JAK1: variants seen among roughly 807,000 people sequenced by gnomAD.
JAK1 encodes tyrosine-protein kinase JAK1.
A neutral mutation model predicts 136.6 loss-of-function variants in JAK1; 16 were observed. That is an observed-to-expected ratio of 0.12 (90% confidence interval 0.08 to 0.18). JAK1 has a LOEUF of 0.18. JAK1 is among the 10% of genes least tolerant of loss of function. The probability of loss-of-function intolerance (pLI) is 1.00; values close to 1 mark genes in which losing one functional copy is unlikely to be tolerated. For missense variants in JAK1, 859 were observed against 1,450.1 expected, an observed-to-expected ratio of 0.59 and a Z score of 6.62; for synonymous variants, 492 against 519.5, an observed-to-expected ratio of 0.95 and a Z score of 0.72.
chr1:64,928,955 C>T (rs1187925815), intron 1 of JAK1, among the ~76,000 whole-genome samples: 1 of 152,142 alleles, frequency 6.6e-6, no homozygotes, highest in East Asian at 1.9e-4. Flanking sequence ...TTCCTGTAGA[C>T]CTCAGAATAA....
intron 1 of JAK1, among the ~76,000 whole-genome samples, chr1:64,957,215 G>A (rs1199633300): frequency 6.6e-6 from 1 of 152,104 alleles, no homozygotes; most frequent in Non-Finnish European, 1.5e-5. Flanking sequence ...TGCTCTAGGG[G>A]CAACAGTGAG....
intron 2 of JAK1, chr1:64,986,051 G>C: frequency 7.8e-7 from 1 of 1,286,986 alleles, no homozygotes; most frequent in Non-Finnish European, 1.1e-6. Flanking sequence ...TAGCAATTGT[G>C]ATGGCGAAGA....
At chr1:64,910,149 A>C (rs1645258190) in intron 1 of JAK1, among the ~76,000 whole-genome samples, 1 of 152,248 alleles carries the variant, frequency 6.6e-6, no homozygotes, top group Non-Finnish European at 1.5e-5. Context: ...AACTTAACCC[A>C]CAAGATTCCA....
chr1:64,866,814 C>A, intron 7 of JAK1, 52 bp downstream of exon 7: 1 of 1,348,666 alleles, frequency 7.4e-7, no homozygotes, highest in Non-Finnish European at 1.0e-6. Flanking sequence ...AAACAGCATA[C>A]GCTATGTGAC....
intron 1 of JAK1, among the ~76,000 whole-genome samples, chr1:64,930,655 C>G (rs555877816): frequency 1.1e-5 from 1 of 90,186 alleles, no homozygotes; most frequent in East Asian, 2.0e-4. Flanking sequence ...TGGGTATATA[C>G]CCAAATGATT....
At chr1:64,838,424 C>T in intron 21 of JAK1, 41 bp downstream of exon 21, 1 of 1,603,866 alleles carries the variant, frequency 6.2e-7, no homozygotes, top group Non-Finnish European at 8.5e-7. Context: ...GGACAGAGTG[C>T]CTGATGTCTT....
chr1:64,935,109 C>T (rs192031589), intron 1 of JAK1, among the ~76,000 whole-genome samples: 10 of 152,244 alleles, frequency 6.6e-5, no homozygotes, highest in South Asian at 2.1e-4. Context: ...GGAACAAGAA[C>T]GCAGATGCAT....
intron 1 of JAK1, among the ~76,000 whole-genome samples, chr1:64,954,789 T>C (rs1209951140): frequency 2.0e-5 from 3 of 152,334 alleles, no homozygotes; most frequent in East Asian, 1.9e-4. Flanking sequence ...AGAGAGATTA[T>C]TGTAAGAAAA....
At chr1:64,938,803 G>A (rs1645836407) in intron 1 of JAK1, among the ~76,000 whole-genome samples, 1 of 152,188 alleles carries the variant, frequency 6.6e-6, no homozygotes, top group South Asian at 2.1e-4. Context: ...ATAAGGATAT[G>A]ATGTGGGTAG....
intron 2 of JAK1, among the ~76,000 whole-genome samples, chr1:65,020,311 T>C (rs550457): frequency 0.12 from 18,093 of 151,920 alleles, 1,609 homozygotes; most frequent in East Asian, 0.38. Flanking sequence ...TGTGCTAATT[T>C]ATACTCTCAG....
intron 2 of JAK1, among the ~76,000 whole-genome samples, chr1:65,040,946 G>A (rs1015304199): frequency 2.0e-5 from 3 of 152,102 alleles, no homozygotes; most frequent in Non-Finnish European, 2.9e-5. Flanking sequence ...CTTGGGGTCT[G>A]GGGAGGGCAG....
chr1:64,900,075 G>A (rs1197755728), intron 1 of JAK1, among the ~76,000 whole-genome samples: 1 of 152,146 alleles, frequency 6.6e-6, no homozygotes, highest in Non-Finnish European at 1.5e-5. Context: ...CACTAATGAG[G>A]GGAGAAAAGT....
At chr1:64,842,443 C>G (rs1301071732) in intron 17 of JAK1, among the ~76,000 whole-genome samples, 1 of 151,426 alleles carries the variant, frequency 6.6e-6, no homozygotes, top group Non-Finnish European at 1.5e-5. Context: ...CCTCTCTGGT[C>G]CCCGTGGGCC....
chr1:65,001,201 A>G lies in JAK1; in HGVS notation c.-78+43279T>C, dbSNP rs183206127. Among the ~76,000 whole-genome samples the G allele has an allele frequency of 3.2e-3, 490 of 152,322 alleles. 3 individuals carry two copies. Among genetic ancestry groups the G allele is most frequent in the Middle Eastern group, 0.01 (3 of 294 alleles). ...TAGAAAACTTTCATTCGCCGATTTCACTTTTCAAGTGAATCCTAAAGCCTG... is the reference window on the plus strand; with the variant it reads ...TAGAAAACTTTCATTCGCCGATTTCGCTTTTCAAGTGAATCCTAAAGCCTG... On this transcript the variant is annotated intron_variant, in intron 2 of 25. Coordinates refer to the JAK1 transcript ENST00000671954.
chr1:64,847,266 A>G (rs2780823), intron 13 of JAK1, among the ~76,000 whole-genome samples: 75,519 of 151,850 alleles, frequency 0.5, 22,237 homozygotes, highest in African/African-American at 0.81. Context: ...TCCACAGCAC[A>G]GCCACCTGGA....
intron 1 of JAK1, 35 bp from the exon 2 acceptor site, chr1:64,886,376 G>C (rs1406631197): frequency 8.1e-7 from 1 of 1,229,316 alleles, no homozygotes; most frequent in African/African-American, 1.6e-5. Flanking sequence ...ATCAGTGGCA[G>C]AGGTAATTGC....
At chr1:64,895,325 A>C (rs1341185660) in intron 1 of JAK1, among the ~76,000 whole-genome samples, 1 of 152,168 alleles carries the variant, frequency 6.6e-6, no homozygotes, top group Admixed American at 6.5e-5. Context: ...TCTTATATTT[A>C]ATACATTTTT....
intron 2 of JAK1, among the ~76,000 whole-genome samples, chr1:64,977,212 C>T (rs1465190912): frequency 6.6e-6 from 1 of 152,074 alleles, no homozygotes; most frequent in Non-Finnish European, 1.5e-5. Flanking sequence ...TGTAGTGGCA[C>T]AACCACAGCT....
chr1:65,023,915 T>G, intron 2 of JAK1, among the ~76,000 whole-genome samples: 1 of 87,992 alleles, frequency 1.1e-5, no homozygotes, highest in South Asian at 4.2e-4. Context: ...GATTCATCCT[T>G]TTTTTTTTTT....
Sources: allele counts gnomAD v4.1 joint callset (sites outside exome capture counted in the v4.1 genomes callset), GRCh38; gene constraint gnomAD v4.1.1; transcripts MANE v1.5; gene names NCBI Gene and HGNC (gene_info 2026-07-23, HGNC 2026-07-21).